Variants in GAD1 observed in about 807,000 individuals in gnomAD.
The protein encoded by GAD1 is glutamate decarboxylase 1.
In GAD1, 35 loss-of-function variants were observed where a neutral mutation model predicts 75.2. The ratio of observed to expected loss-of-function variants is 0.47; its 90% CI spans 0.36 to 0.62. The LOEUF is 0.62. Ranked by LOEUF, GAD1 falls within the 20% of genes least tolerant of loss-of-function variation. GAD1 has a pLI of 0.00. For missense variants in GAD1, 490 were observed against 758.5 expected, an observed-to-expected ratio of 0.65 and a Z score of 4.16; for synonymous variants, 257 against 271.9, an observed-to-expected ratio of 0.95 and a Z score of 0.54.
Position 170,818,871 on chromosome 2 carries a change from A to G in GAD1, c.82+198A>G, listed in dbSNP as rs2270334. Among the ~76,000 whole-genome samples the G allele has an allele frequency of 0.64, 96,635 of 152,014 alleles. 32,996 individuals carry two copies. Among genetic ancestry groups the G allele is most frequent in the Non-Finnish European group, 0.76 (51,316 of 67,960 alleles). ...GCTAGGTGACTCCCAGGGCACCGGA[A>G]AGCGAGGACCACGCAAGGTCCGAGC... On this transcript the variant is annotated intron_variant, in intron 2 of 16. Coordinates refer to ENST00000358196, the MANE Select transcript of GAD1 (RefSeq NM_000817.3). The surrounding 1 kb of genome is among the most constrained non-coding windows in gnomAD (Gnocchi z 5.9).
intron 2 of GAD1, among the ~76,000 whole-genome samples, chr2:170,821,156 G>A (rs45508095): frequency 1.3e-3 from 198 of 152,272 alleles, no homozygotes; most frequent in South Asian, 3.7e-3. Flanking sequence ...TGCTTGGAGA[G>A]GTTTGCTTTG....
rs768426080 is a variant in GAD1, at chr2:170,845,606, C to T, written c.852C>T (p.Leu284=). The T allele has an allele frequency of 4.3e-6, 7 of 1,614,110 alleles. No homozygotes were observed. The highest frequency in any genetic ancestry group is 2.2e-5 in the East Asian group (1 of 44,874). The change falls in exon 8 of 17, where the codon CTC becomes CTT. Residue 284 remains leucine, a synonymous_variant. Coordinates refer to ENST00000358196, the MANE Select transcript of GAD1 (RefSeq NM_000817.3). ...TGGCGGCTGTGCCTAAACTGGTCCT[C>T]TTCACCTCAGAACAGGTGAGTCGGG... The part of the protein sequence containing the change: ...KGMAAVPKLV[L]FTSEQSHYSI...
intron 16 of GAD1, 65 bp downstream of exon 16, chr2:170,858,958 A>C: frequency 7.3e-7 from 1 of 1,373,346 alleles, no homozygotes; most frequent in Non-Finnish European, 1.0e-6. Context: ...GGACATCCTC[A>C]TTCCAATGTG....
chr2:170,822,496 C>T (rs926575679), intron 3 of GAD1, among the ~76,000 whole-genome samples: 1 of 152,230 alleles, frequency 6.6e-6, no homozygotes, highest in African/African-American at 2.4e-5. Context: ...CACCCGGTGC[C>T]GTGCACTCTG....
chr2:170,820,480 C>T (rs1701844664), intron 2 of GAD1, among the ~76,000 whole-genome samples: 1 of 152,274 alleles, frequency 6.6e-6, no homozygotes, highest in Admixed American at 6.5e-5. Flanking sequence ...GCTCTATCCA[C>T]TCTCACCCTC....
chr2:170,831,369 C>T (rs369648604), intron 5 of GAD1, among the ~76,000 whole-genome samples, 177 bp downstream of exon 5: 1 of 151,970 alleles, frequency 6.6e-6, no homozygotes, highest in Non-Finnish European at 1.5e-5. Context: ...GTGGAGGGAC[C>T]CGACCCAGGC....
intron 15 of GAD1, among the ~76,000 whole-genome samples, chr2:170,857,882 C>T (rs1458803320): frequency 6.6e-6 from 1 of 152,188 alleles, no homozygotes; most frequent in Non-Finnish European, 1.5e-5. Flanking sequence ...CATTCTCTGA[C>T]CCAATGGAGC....
At chr2:170,842,495 C>A in intron 6 of GAD1, 1 of 1,298,710 alleles carries the variant, frequency 7.7e-7, no homozygotes, top group Non-Finnish European at 1.1e-6. Flanking sequence ...AAAAGCCCAT[C>A]ATGAGTTTGC....
intron 6 of GAD1, among the ~76,000 whole-genome samples, chr2:170,838,711 C>T (rs1244583055): frequency 2.0e-5 from 3 of 152,168 alleles, no homozygotes; most frequent in Non-Finnish European, 4.4e-5. Context: ...CCAGAAAAAT[C>T]CCACAAATTC....
upstream of GAD1, among the ~76,000 whole-genome samples, chr2:170,815,176 C>A (rs900979108): frequency 6.6e-6 from 1 of 152,158 alleles, no homozygotes; most frequent in African/African-American, 2.4e-5. Flanking sequence ...CTTCAAGCAG[C>A]GCAGAGCAGC....
upstream of GAD1, among the ~76,000 whole-genome samples, chr2:170,815,230 A>G (rs3791879): frequency 0.048 from 7,291 of 152,092 alleles, 431 homozygotes; most frequent in East Asian, 0.27. Context: ...CGTGGAGCAG[A>G]CACCCCCAGC....
Position 170,859,797 on chromosome 2 carries a change from G to T in GAD1, c.1700G>T (p.Arg567Leu), listed in dbSNP as rs753558119. The change falls in exon 17 of 17, where the codon CGG becomes CTG. Residue 567 changes from arginine to leucine, a missense_variant. Arg to Leu is a moderately radical substitution (Grantham distance 102, BLOSUM62 -2). Around this residue, in one of 3 missense-constraint regions of GAD1, gnomAD observed 324 missense variants for 523.9 expected, o/e 0.62. Coordinates refer to ENST00000358196, the MANE Select transcript of GAD1 (RefSeq NM_000817.3). ...QPQGDKANFF[R>L]MVISNPAATQ... ...CAAGGGGACAAGGCCAACTTCTTCC[G>T]GATGGTCATCTCCAACCCAGCCGCT... is the stretch of plus-strand genomic sequence containing the variant. 1 of 1,613,986 alleles carries T rather than the reference G, an allele frequency of 6.2e-7. No homozygotes were observed. The highest frequency in any genetic ancestry group is 1.3e-5 in the African/African-American group (1 of 74,926).
At chr2:170,836,982 C>T (rs931247803) in intron 6 of GAD1, 99 bp downstream of exon 6, 1 of 822,328 alleles carries the variant, frequency 1.2e-6, no homozygotes, top group African/African-American at 1.7e-5. Flanking sequence ...TTAAAGTTTC[C>T]CTGGTCATTT....
At chr2:170,847,831 T>C in intron 11 of GAD1, 39 bp downstream of exon 11, 1 of 1,342,004 alleles carries the variant, frequency 7.5e-7, no homozygotes, top group Non-Finnish European at 1.1e-6. Flanking sequence ...ATGTGGGGGG[T>C]GGAGGCACCT....
rs1487651303 is a variant in GAD1 at position 170,817,229 on chromosome 2, C to T, written c.-64+181C>T. ...CCACGGGTGCGCTGCGCAGGGACCCCCCCCCCCCCGCCTCCCTCGTCACTC... is the reference window on the plus strand; with the variant it reads ...CCACGGGTGCGCTGCGCAGGGACCCTCCCCCCCCCGCCTCCCTCGTCACTC... On this transcript the variant is annotated intron_variant, in intron 1 of 16. Transcript: ENST00000358196. 1.9e-5 allele frequency: 2 copies of T among 106,302 alleles called. 1 individual carries two copies. Among genetic ancestry groups the T allele is most frequent in the African/African-American group, 5.8e-5 (2 of 34,712 alleles). 6.6% of individuals were successfully genotyped at this position (106,302 alleles called of 1,614,324 possible). A position where few individuals can be genotyped will look rare whatever the true frequency, so the allele number is the denominator to read the frequency against.
At chr2:170,832,815 G>C (rs1575433570) in intron 5 of GAD1, among the ~76,000 whole-genome samples, 1 of 152,150 alleles carries the variant, frequency 6.6e-6, no homozygotes, top group African/African-American at 2.4e-5. Flanking sequence ...TCTTGTTCCA[G>C]GAGCTCTCTC....
At chr2:170,815,731 A>AT (rs1001146584), upstream of GAD1, among the ~76,000 whole-genome samples, 1 of 152,162 alleles carries the variant, frequency 6.6e-6, no homozygotes, top group African/African-American at 2.4e-5. Flanking sequence ...AAAGAAAAAA[A>AT]CTGGGGGAGA....
chr2:170,860,138 A>AGTGAG lies in GAD1; in HGVS notation c.*257_*261dup, dbSNP rs2105817535. 2.2e-6 allele frequency: 1 copy of AGTGAG among 445,558 alleles called. No homozygotes were observed. Among genetic ancestry groups the AGTGAG allele is most frequent in the East Asian group, 4.3e-5 (1 of 23,228 alleles). 27.6% of individuals were successfully genotyped at this position (445,558 alleles called of 1,614,324 possible). A position where few individuals can be genotyped will look rare whatever the true frequency, so the allele number is the denominator to read the frequency against. On this transcript the variant is annotated 3_prime_UTR_variant, in exon 17 of 17. Coordinates refer to ENST00000358196, the MANE Select transcript of GAD1 (RefSeq NM_000817.3). ...TACCTCTCTCTATATATACATGTAT[A>AGTGAG]GTGAGTGTGGCTTAGTAATAGATCA...
At chr2:170,849,263 C>G in intron 11 of GAD1, 23 bp from the exon 12 acceptor site, 1 of 1,611,152 alleles carries the variant, frequency 6.2e-7, no homozygotes, top group Non-Finnish European at 8.5e-7. Flanking sequence ...TCCCCTCTTC[C>G]TCTCCTTTCT....
Sources: allele counts gnomAD v4.1 joint callset (sites outside exome capture counted in the v4.1 genomes callset), GRCh38; gene constraint gnomAD v4.1.1; regional missense constraint gnomAD v4.1.1; non-coding constraint Gnocchi (gnomAD v3.1); transcripts MANE v1.5; gene names NCBI Gene and HGNC (gene_info 2026-07-23, HGNC 2026-07-21).